Variants in TRIM26 observed in about 807,000 individuals in gnomAD.
TRIM26 encodes the protein tripartite motif-containing protein 26.
A neutral mutation model predicts 45.5 loss-of-function variants in TRIM26; 16 were observed. That is an observed-to-expected ratio of 0.35 (90% confidence interval 0.24 to 0.53). The LOEUF is 0.53. Ranked by LOEUF, TRIM26 falls within the 20% of genes least tolerant of loss-of-function variation. The pLI is 0.92. For synonymous variants in TRIM26, 273 were observed against 290.4 expected (o/e 0.94, Z 0.61); for missense variants, 442 against 691.1 (o/e 0.64, Z 4.04).
Position 30,203,065 on chromosome 6 carries a change from T to A in TRIM26, c.-266+1591A>T, listed in dbSNP as rs202075118. ...CTCTTTCTTTTTTTTTTTTTTTTTT[T>A]TGAGACAGGGTCTTACTCTGTCCCC... is the stretch of plus-strand genomic sequence containing the variant. On this transcript the variant is annotated intron_variant, in intron 2 of 9. Coordinates refer to ENST00000454678, the MANE Select transcript of TRIM26 (RefSeq NM_003449.5). 2.1e-5 allele frequency among the ~76,000 whole-genome samples: 3 copies of A among 142,438 alleles called. No individual in the cohort carries two copies. The East Asian group carries it at 6.0e-4, about 28-fold the overall frequency. 93.4% of individuals were successfully genotyped at this position (142,438 alleles called of 152,430 possible). A position where few individuals can be genotyped will look rare whatever the true frequency, so the allele number is the denominator to read the frequency against.
chr6:30,186,312 T>A lies in TRIM26; in HGVS notation c.1184A>T (p.Glu395Val). The change falls in exon 10 of 10, where the codon GAG becomes GTG. Residue 395 changes from glutamate to valine, a missense_variant. Transcript: ENST00000454678. This position sits in a 1 kb window ranked among gnomAD's most constrained non-coding sequence, Gnocchi z 7.4. ...EGDEEEEGEE[E>V]EEEEEAGYGD... ...ATAGCCGGCCTCCTCTTCCTCCTCC[T>A]CCTCTTCTCCCTCTTCCTCCTCATC... 1 of 1,610,854 alleles carries A rather than the reference T, an allele frequency of 6.2e-7. No homozygotes were observed. Among genetic ancestry groups the A allele is most frequent in the Non-Finnish European group, 8.5e-7 (1 of 1,178,056 alleles).
chr6:30,190,256 T>A lies in TRIM26; in HGVS notation c.766-221A>T. On this transcript the variant is annotated intron_variant, in intron 6 of 9. Coordinates refer to ENST00000454678, the MANE Select transcript of TRIM26 (RefSeq NM_003449.5). The surrounding 1 kb of genome is among the most constrained non-coding windows in gnomAD (Gnocchi z 4.3). ...AAGCCACAATGGCTGGGAGATGACA[T>A]GGGCAACCTCTCTGGGAGATACCTG... The A allele has an allele frequency of 1.6e-6, 1 of 611,192 alleles. No individual in the cohort carries two copies. Among genetic ancestry groups the A allele is most frequent in the Non-Finnish European group, 2.9e-6 (1 of 343,706 alleles). 37.9% of individuals were successfully genotyped at this position (611,192 alleles called of 1,614,324 possible). A position where few individuals can be genotyped will look rare whatever the true frequency, so the allele number is the denominator to read the frequency against.
chr6:30,188,437 GA>G, intron 9 of TRIM26: 1 of 274,040 alleles, frequency 3.6e-6, no homozygotes, highest in Non-Finnish European at 7.5e-6. Context: ...ATCCTCATAG[GA>G]TTCTCTATAA....
chr6:30,203,798 C>CTTTCTTTT (rs1554206730), intron 2 of TRIM26, among the ~76,000 whole-genome samples: 10 of 144,492 alleles, frequency 6.9e-5, no homozygotes, highest in African/African-American at 1.8e-4. Flanking sequence ...TGGTTCCTTT[C>CTTTCTTTT]TTTTTTTTTT....
In TRIM26 at chr6:30,189,835, A is replaced by G; in HGVS notation, c.788+178T>C. On this transcript the variant is annotated intron_variant, in intron 7 of 9. Transcript: ENST00000454678. This position sits in a 1 kb window ranked among gnomAD's most constrained non-coding sequence, Gnocchi z 5.0. ...CTACACAGAGAACCATAAGGAGGAG[A>G]GCAAGTCTCCAGTTCTCAATGATGT... 2.7e-6 allele frequency: 2 copies of G among 732,048 alleles called. No individual in the cohort carries two copies. Among genetic ancestry groups the G allele is most frequent in the South Asian group, 3.5e-5 (2 of 56,808 alleles). 45.3% of individuals were successfully genotyped at this position (732,048 alleles called of 1,614,324 possible).
In TRIM26 at chr6:30,200,833, TG is replaced by T. The variant is rs1335710165; in HGVS notation, c.-162+201del. Among the ~76,000 whole-genome samples the T allele has an allele frequency of 8.5e-5, 13 of 152,332 alleles. No homozygotes were observed. The South Asian group carries it at 1.7e-3, about 19-fold the overall frequency. On this transcript the variant is annotated intron_variant, in intron 3 of 9. Coordinates refer to ENST00000454678, the MANE Select transcript of TRIM26 (RefSeq NM_003449.5). ...CTAAGCAGGTCATGTGAAAGAATTA[TG>T]GGAAAAGTGCTAAGCACAAGCCTGG... is the stretch of plus-strand genomic sequence containing the variant.
At chr6:30,206,885 G>A (rs1777780878) in intron 1 of TRIM26, among the ~76,000 whole-genome samples, 1 of 152,222 alleles carries the variant, frequency 6.6e-6, no homozygotes, top group South Asian at 2.1e-4. Flanking sequence ...GGACTCATTT[G>A]CCCAGCAGCA....
intron 2 of TRIM26, among the ~76,000 whole-genome samples, chr6:30,202,995 T>C (rs1777339872): frequency 6.6e-6 from 1 of 151,976 alleles, no homozygotes. Context: ...TGTGGGAAAT[T>C]TGTAAGTAGG....
intron 1 of TRIM26, among the ~76,000 whole-genome samples, chr6:30,205,928 C>T (rs1777684750): frequency 6.6e-6 from 1 of 152,156 alleles, no homozygotes; most frequent in Admixed American, 6.5e-5. Context: ...ATGGAGAGGC[C>T]TGGGTTTTCA....
rs995161869 is a variant in TRIM26 at position 30,184,636 on chromosome 6, G to C, written c.*1240C>G. Reference sequence around the variant, plus strand: ...ACACACACAAAGTGGGCAGCTCTGAGACAATGGTGGTCAAGTGACCACTGA... The same window carrying C: ...ACACACACAAAGTGGGCAGCTCTGACACAATGGTGGTCAAGTGACCACTGA... On this transcript the variant is annotated 3_prime_UTR_variant, in exon 10 of 10. Transcript: ENST00000454678. 3.3e-5 allele frequency: 5 copies of C among 152,704 alleles called. No homozygotes were observed. Among genetic ancestry groups the C allele is most frequent in the Non-Finnish European group, 5.9e-5 (4 of 68,060 alleles). The allele number at this position is 152,704 out of a possible 1,614,324, so 9.5% of individuals were successfully genotyped here. A position where few individuals can be genotyped will look rare whatever the true frequency, so the allele number is the denominator to read the frequency against.
At position 30,198,489 on chromosome 6, in the gene TRIM26, C is replaced by T. The variant is rs2523721; in HGVS notation, c.474G>A (p.Arg158=). ...KILNHLSTLR[R]DRDKIQGFQA... is the part of the protein sequence containing the mutation. ...GGAAGCCCTGAATTTTGTCTCTGTCCCTCCTTAGGGTACTCAGGTGGTTCA... is the reference window on the plus strand; with the variant it reads ...GGAAGCCCTGAATTTTGTCTCTGTCTCTCCTTAGGGTACTCAGGTGGTTCA... The change falls in exon 5 of 10, where the codon AGG becomes AGA. Residue 158 remains arginine, a synonymous_variant. Transcript: ENST00000454678. The surrounding 1 kb of genome is among the most constrained non-coding windows in gnomAD (Gnocchi z 6.3). 0.22 allele frequency: 350,087 copies of T among 1,612,820 alleles called. 40,414 individuals carry two copies. The highest frequency in any genetic ancestry group is 0.35 in the African/African-American group (26,540 of 74,934).
Position 30,198,866 on chromosome 6 carries a change from G to A in TRIM26, c.238C>T (p.Arg80Trp), listed in dbSNP as rs762936657. Reference sequence around the variant, plus strand: ...TGCCTGCCCTTGTCCACCTTCAGCCGCTCAATGTTCTCCACCAGGCTGGCC... The same window carrying A: ...TGCCTGCCCTTGTCCACCTTCAGCCACTCAATGTTCTCCACCAGGCTGGCC... Reference protein sequence around the residue: ...QLASLVENIERLKVDKGRQPG... With the variant: ...QLASLVENIEWLKVDKGRQPG... Residue 80 changes from arginine to tryptophan, a missense_variant, in exon 4 of 10, where the codon CGG (arginine) becomes TGG (tryptophan). Arg to Trp is a moderately radical substitution (Grantham distance 101). Transcript: ENST00000454678. The surrounding 1 kb of genome is among the most constrained non-coding windows in gnomAD (Gnocchi z 6.3). 1.9e-6 allele frequency: 3 copies of A among 1,612,850 alleles called. No individual in the cohort carries two copies. Among genetic ancestry groups the A allele is most frequent in the Admixed American group, 1.7e-5 (1 of 60,018 alleles).
At chr6:30,191,197 T>C (rs1323671878) in intron 6 of TRIM26, among the ~76,000 whole-genome samples, 2 of 151,772 alleles carry the variant, frequency 1.3e-5, no homozygotes, top group Non-Finnish European at 2.9e-5. Flanking sequence ...GGGGGGAGAA[T>C]GGTGGTGCTA....
Position 30,199,223 on chromosome 6 carries a change from GC to G in TRIM26, c.-121del. ...CAAAGGTGGCAGCCTGCACAGGGCTGCCAGCTCCAGCACTCAGTCAATCGAC... is the reference window on the plus strand; with the variant it reads ...CAAAGGTGGCAGCCTGCACAGGGCTGCAGCTCCAGCACTCAGTCAATCGAC... On this transcript the variant is annotated 5_prime_UTR_variant, in exon 4 of 10. Transcript: ENST00000454678. 1 of 902,168 alleles carries G rather than the reference GC, an allele frequency of 1.1e-6. No individual in the cohort carries two copies. The allele number at this position is 902,168 out of a possible 1,614,324, so 55.9% of individuals were successfully genotyped here.
intron 1 of TRIM26, among the ~76,000 whole-genome samples, chr6:30,208,037 T>C (rs968731332): frequency 1.3e-5 from 2 of 152,166 alleles, no homozygotes; most frequent in African/African-American, 2.4e-5. Flanking sequence ...GCTTTTTCCA[T>C]GAAACAAGGA....
In TRIM26 at chr6:30,189,646, C is replaced by G; in HGVS notation, c.789-113G>C. On this transcript the variant is annotated intron_variant, in intron 7 of 9. Transcript: ENST00000454678. The surrounding 1 kb of genome is among the most constrained non-coding windows in gnomAD (Gnocchi z 5.0). ...AGGGGAGAGGAAAGGTATGATTATC[C>G]CCAAACAAGTGACAGAAAAACAGTG... 1 of 936,570 alleles carries G rather than the reference C, an allele frequency of 1.1e-6. No homozygotes were observed. Among genetic ancestry groups the G allele is most frequent in the Non-Finnish European group, 1.6e-6 (1 of 608,112 alleles). The allele number at this position is 936,570 out of a possible 1,614,324, so 58.0% of individuals were successfully genotyped here. A position where few individuals can be genotyped will look rare whatever the true frequency, so the allele number is the denominator to read the frequency against.
In TRIM26 at chr6:30,189,335, G is replaced by C. The variant is rs766608386; in HGVS notation, c.904+83C>G. On this transcript the variant is annotated intron_variant, in intron 8 of 9. Coordinates refer to ENST00000454678, the MANE Select transcript of TRIM26 (RefSeq NM_003449.5). This position sits in a 1 kb window ranked among gnomAD's most constrained non-coding sequence, Gnocchi z 5.0. ...CCTCAGAAGAGTGAGGATCGACAAG[G>C]TGATGGAAAGGAGCTGGGTGCGCTC... The C allele has an allele frequency of 5.1e-6, 8 of 1,565,892 alleles. No homozygotes were observed. The highest frequency in any genetic ancestry group is 7.0e-6 in the Non-Finnish European group (8 of 1,137,622).
chr6:30,199,860 T>A (rs2127515114), intron 3 of TRIM26, among the ~76,000 whole-genome samples: 1 of 152,142 alleles, frequency 6.6e-6, no homozygotes, highest in South Asian at 2.1e-4. Flanking sequence ...ATGGTCTTGA[T>A]CTCCCGACCT....
At chr6:30,195,743 T>C (rs1034073619) in intron 6 of TRIM26, among the ~76,000 whole-genome samples, 5 of 152,100 alleles carry the variant, frequency 3.3e-5, no homozygotes, top group African/African-American at 1.2e-4. Context: ...CCAGCCACCC[T>C]AAACAGTGCA....
Sources: allele counts gnomAD v4.1 joint callset (sites outside exome capture counted in the v4.1 genomes callset), GRCh38; gene constraint gnomAD v4.1.1; non-coding constraint Gnocchi (gnomAD v3.1); transcripts MANE v1.5; gene names NCBI Gene and HGNC (gene_info 2026-07-23, HGNC 2026-07-21).